RGS5: variants seen among roughly 807,000 people sequenced by gnomAD.
RGS5 encodes the protein regulator of G-protein signalling 5.
A neutral mutation model predicts 18.9 loss-of-function variants in RGS5; 20 were observed. The observed-to-expected ratio is 1.06, with a 90% CI of 0.74 to 1.54. The LOEUF (loss-of-function observed/expected upper bound fraction) is 1.54, where lower values mean the gene tolerates loss of function less well. Ranked by LOEUF, RGS5 falls within the 40% of genes most tolerant of loss-of-function variation. The pLI is 0.00. For missense variants in RGS5, 201 were observed against 211.8 expected (o/e 0.95, Z 0.32); for synonymous variants, 57 against 76.2 (o/e 0.75, Z 1.31).
At chr1:163,253,498 T>G (rs962721964) in intron 2 of RGS5, among the ~76,000 whole-genome samples, 2 of 149,380 alleles carry the variant, frequency 1.3e-5, no homozygotes, top group African/African-American at 2.5e-5. Flanking sequence ...TTAGTAGAGA[T>G]AAGTTTTTGC....
At chr1:163,263,201 C>A (rs1406571261) in intron 2 of RGS5, among the ~76,000 whole-genome samples, 1 of 152,164 alleles carries the variant, frequency 6.6e-6, no homozygotes, top group Non-Finnish European at 1.5e-5. Context: ...TCCTGGCTTG[C>A]CATCTATGGG....
At chr1:163,231,658 C>A (rs545938135) in intron 2 of RGS5, among the ~76,000 whole-genome samples, 19 of 151,350 alleles carry the variant, frequency 1.3e-4, no homozygotes, top group African/African-American at 3.9e-4. Flanking sequence ...GGTACTGTTG[C>A]CTTTTGTCCA....
In RGS5 at chr1:163,183,596, G is replaced by T. The variant is rs141646833; in HGVS notation, c.45-15228C>A. On this transcript the variant is annotated intron_variant, in intron 1 of 4. Coordinates refer to ENST00000313961, the MANE Select transcript of RGS5 (RefSeq NM_003617.4). ...CTTGGGCCAGATGTTTAACTTATTC[G>T]CTGGTAAAATAATAATGTTGATAAT... 1.1e-4 allele frequency among the ~76,000 whole-genome samples: 16 copies of T among 152,216 alleles called. No homozygotes were observed. The East Asian group carries it at 3.1e-3, about 29-fold the overall frequency.
At chr1:163,261,403 T>A (rs1422694834) in intron 2 of RGS5, among the ~76,000 whole-genome samples, 2 of 152,224 alleles carry the variant, frequency 1.3e-5, no homozygotes, top group African/African-American at 4.8e-5. Context: ...CCTCCCTGCA[T>A]ACATAGTCTA....
intron 1 of RGS5, among the ~76,000 whole-genome samples, chr1:163,187,916 C>A (rs1268598445): frequency 6.6e-6 from 1 of 152,116 alleles, no homozygotes; most frequent in Non-Finnish European, 1.5e-5. Context: ...ACTGAGCCCT[C>A]AACCTGTGGG....
intron 2 of RGS5, among the ~76,000 whole-genome samples, chr1:163,258,204 A>G (rs1367241161): frequency 6.6e-6 from 1 of 152,248 alleles, no homozygotes; most frequent in Non-Finnish European, 1.5e-5. Context: ...TTATTAGTGA[A>G]GAACCCCAAC....
chr1:163,144,751 A>G lies in RGS5; in HGVS notation c.*2591T>C, dbSNP rs1657063912. 6.6e-6 allele frequency: 1 copy of G among 152,568 alleles called. No individual in the cohort carries two copies. The highest frequency in any genetic ancestry group is 2.1e-4 in the South Asian group (1 of 4,822). 9.5% of individuals were successfully genotyped at this position (152,568 alleles called of 1,614,324 possible). Reference sequence around the variant, plus strand: ...TAAAAGAATGTATTTTATCTGTATTACCATGGAAATTACTAGTAACACTGG... The same window carrying G: ...TAAAAGAATGTATTTTATCTGTATTGCCATGGAAATTACTAGTAACACTGG... On this transcript the variant is annotated 3_prime_UTR_variant, in exon 5 of 5. Transcript: ENST00000313961.
chr1:163,196,476 T>C (rs1357792677), intron 1 of RGS5, among the ~76,000 whole-genome samples: 2 of 152,168 alleles, frequency 1.3e-5, no homozygotes, highest in African/African-American at 4.8e-5. Context: ...AAATGTAAGA[T>C]TCTGGGATCT....
rs181385569 is a variant in RGS5, at chr1:163,224,558, A to C, written c.-280-56190T>G. 1.2e-3 allele frequency among the ~76,000 whole-genome samples: 177 copies of C among 152,266 alleles called. 2 individuals are homozygous for C. Among genetic ancestry groups the C allele is most frequent in the Non-Finnish European group, 1.4e-3 (97 of 68,018 alleles). On this transcript the variant is annotated intron_variant, in intron 2 of 5. Transcript: ENST00000618415. Reference sequence around the variant, plus strand: ...GACATGCTGATTTCATTTCCTTTGGATATATACCCAATAGTGGGATTGCTG... The same window carrying C: ...GACATGCTGATTTCATTTCCTTTGGCTATATACCCAATAGTGGGATTGCTG...
chr1:163,204,000 A>G (rs1249672781), upstream of RGS5, among the ~76,000 whole-genome samples: 1 of 152,130 alleles, frequency 6.6e-6, no homozygotes, highest in East Asian at 1.9e-4. Flanking sequence ...ATTGAACAGT[A>G]CTCTCATAAT....
At chr1:163,313,462 G>T (rs1369427885) in intron 1 of RGS5, among the ~76,000 whole-genome samples, 1 of 152,122 alleles carries the variant, frequency 6.6e-6, no homozygotes, top group Non-Finnish European at 1.5e-5. Flanking sequence ...AGGAAAGAAA[G>T]GGATGGGAGA....
chr1:163,173,091 G>A (rs1363882622), intron 1 of RGS5, among the ~76,000 whole-genome samples: 1 of 152,104 alleles, frequency 6.6e-6, no homozygotes, highest in Non-Finnish European at 1.5e-5. Context: ...ACACCATCCA[G>A]AGAAGATAAT....
intron 2 of RGS5, among the ~76,000 whole-genome samples, chr1:163,291,530 A>G (rs1649288177): frequency 6.6e-6 from 1 of 152,226 alleles, no homozygotes; most frequent in East Asian, 1.9e-4. Flanking sequence ...AGAGGTCACA[A>G]GATATGCAAC....
intron 3 of RGS5, among the ~76,000 whole-genome samples, chr1:163,158,711 G>A (rs745454683): frequency 8.5e-5 from 13 of 152,124 alleles, no homozygotes; most frequent in African/African-American, 1.7e-4. Flanking sequence ...AAGATCACAG[G>A]ACCACAGGAC....
At chr1:163,167,084 T>C (rs1658086478) in intron 2 of RGS5, among the ~76,000 whole-genome samples, 2 of 152,026 alleles carry the variant, frequency 1.3e-5, no homozygotes, top group South Asian at 4.1e-4. Flanking sequence ...GGAATGGAAA[T>C]ATTCACTTAG....
intron 1 of RGS5, among the ~76,000 whole-genome samples, chr1:163,184,389 C>T (rs1012318814): frequency 1.4e-5 from 2 of 145,588 alleles, no homozygotes; most frequent in East Asian, 2.0e-4. Context: ...TTCCTGACCA[C>T]CCCATCCCTC....
chr1:163,240,949 A>C (rs886575390), intron 2 of RGS5, among the ~76,000 whole-genome samples: 2 of 152,028 alleles, frequency 1.3e-5, no homozygotes, highest in Non-Finnish European at 2.9e-5. Context: ...TTGTTCCTCA[A>C]ACCCGCCAAC....
chr1:163,226,567 T>C (rs1283768159), intron 2 of RGS5, among the ~76,000 whole-genome samples: 3 of 152,160 alleles, frequency 2.0e-5, no homozygotes, highest in African/African-American at 4.8e-5. Flanking sequence ...CATAAATCTA[T>C]TGTGGTTTTT....
intron 1 of RGS5, among the ~76,000 whole-genome samples, chr1:163,209,928 T>C (rs540993695): frequency 5.8e-4 from 89 of 152,308 alleles, no homozygotes; most frequent in African/African-American, 2.1e-3. Flanking sequence ...TTCTAGTGTT[T>C]CCTCAATAAG....
Sources: gnomAD v4.1 joint callset for allele counts (sites outside exome capture counted in the v4.1 genomes callset) on GRCh38, gnomAD v4.1.1 for gene constraint, MANE v1.5 for transcripts, NCBI Gene and HGNC (gene_info 2026-07-23, HGNC 2026-07-21) for gene names.